Variants in EYA4 observed in about 807,000 individuals in gnomAD.
EYA4 encodes EYA transcriptional coactivator and phosphatase 4, also known as protein phosphatase EYA4.
In EYA4, 31 loss-of-function variants were observed where a neutral mutation model predicts 87.9. The ratio of observed to expected loss-of-function variants is 0.35; its 90% CI spans 0.27 to 0.48. EYA4 has a LOEUF of 0.48. Among genes scored for constraint, EYA4 ranks in the 20% least tolerant of loss-of-function variants. The pLI is 0.99. For missense variants in EYA4, 678 were observed against 761.4 expected, an observed-to-expected ratio of 0.89 and a Z score of 1.29; for synonymous variants, 263 against 270.6, an observed-to-expected ratio of 0.97 and a Z score of 0.28.
chr6:133,301,703 A>G lies in EYA4; in HGVS notation c.33+26890A>G, dbSNP rs989466555. Among the ~76,000 whole-genome samples the G allele has an allele frequency of 4.6e-5, 7 of 152,248 alleles. No individual in the cohort carries two copies. In the East Asian group the frequency reaches 1.2e-3, roughly 25 times the overall value. On this transcript the variant is annotated intron_variant, in intron 2 of 19. Coordinates refer to ENST00000355286, the MANE Select transcript of EYA4 (RefSeq NM_004100.5). ...ATGTACAATATGAGAGCTAGTAAGT[A>G]TCGGAACTGGGATTTGGACCTACCT...
chr6:133,525,393 A>ATACT, intron 19 of EYA4, 139 bp downstream of exon 19: 1 of 756,846 alleles, frequency 1.3e-6, no homozygotes, highest in Non-Finnish European at 2.3e-6. Flanking sequence ...GAGAGGGTCA[A>ATACT]TACTTACATT....
At chr6:133,526,795 T>G (rs1172456879) in intron 19 of EYA4, among the ~76,000 whole-genome samples, 1 of 152,320 alleles carries the variant, frequency 6.6e-6, no homozygotes, top group Admixed American at 6.5e-5. Flanking sequence ...TTGTGATTTT[T>G]CTTATTGGCA....
In EYA4 at chr6:133,528,769, G is replaced by A. The variant is rs769587552; in HGVS notation, c.1884G>A (p.Leu628=). 6.2e-7 allele frequency: 1 copy of A among 1,613,628 alleles called. No homozygotes were observed. The highest frequency in any genetic ancestry group is 1.1e-5 in the South Asian group (1 of 91,066). The part of the protein sequence containing the change: ...FWRISSHSDL[L]ALHQALELEY... ...GGATATCCAGTCACTCAGACCTCCT[G>A]GCTCTCCACCAAGCACTGGAATTAG... is the stretch of plus-strand genomic sequence containing the variant. Residue 628 remains leucine, a synonymous_variant, in exon 20 of 20, where the codon CTG becomes CTA. Transcript: ENST00000355286.
intron 2 of EYA4, among the ~76,000 whole-genome samples, chr6:133,318,711 G>A (rs72993929): frequency 0.44 from 66,282 of 151,220 alleles, 15,214 homozygotes; most frequent in Non-Finnish European, 0.53. Context: ...GCATACCTGA[G>A]TGGGTTCTGT....
intron 2 of EYA4, among the ~76,000 whole-genome samples, chr6:133,323,541 T>C (rs1428087099): frequency 6.6e-6 from 1 of 152,120 alleles, no homozygotes; most frequent in Admixed American, 6.6e-5. Context: ...TGCTGTTTCA[T>C]TTTCTACTAA....
intron 3 of EYA4, among the ~76,000 whole-genome samples, chr6:133,403,192 A>G (rs1381720261): frequency 6.6e-6 from 1 of 152,244 alleles, no homozygotes; most frequent in Non-Finnish European, 1.5e-5. Flanking sequence ...ATGTGATTAC[A>G]CTAAATTAGA....
chr6:133,451,397 T>G (rs1236651951), intron 5 of EYA4, among the ~76,000 whole-genome samples: 1 of 152,206 alleles, frequency 6.6e-6, no homozygotes, highest in African/African-American at 2.4e-5. Flanking sequence ...TGCATGCCAA[T>G]TATATGAAAA....
chr6:133,448,436 T>C (rs1172887091), intron 5 of EYA4, among the ~76,000 whole-genome samples: 1 of 152,230 alleles, frequency 6.6e-6, no homozygotes, highest in African/African-American at 2.4e-5. Context: ...AAATGATGCA[T>C]ATATTGGTTT....
At chr6:133,410,259 T>C (rs1237516719) in intron 3 of EYA4, among the ~76,000 whole-genome samples, 1 of 152,090 alleles carries the variant, frequency 6.6e-6, no homozygotes, top group Non-Finnish European at 1.5e-5. Flanking sequence ...AACTTCCTAT[T>C]GAATACAACA....
chr6:133,466,173 G>A (rs1431733408), intron 10 of EYA4, among the ~76,000 whole-genome samples: 5 of 152,014 alleles, frequency 3.3e-5, no homozygotes, highest in Admixed American at 3.3e-4. Flanking sequence ...GGGATATAGT[G>A]AATATAATAA....
intron 3 of EYA4, among the ~76,000 whole-genome samples, chr6:133,401,561 C>T (rs183501124): frequency 4.6e-5 from 7 of 152,230 alleles, no homozygotes; most frequent in African/African-American, 1.7e-4. Flanking sequence ...CATATAACAA[C>T]TATAGCCCTT....
intron 2 of EYA4, among the ~76,000 whole-genome samples, chr6:133,298,192 C>A (rs1049725483): frequency 5.9e-5 from 9 of 152,234 alleles, no homozygotes; most frequent in African/African-American, 1.7e-4. Flanking sequence ...GCCCCTGAAG[C>A]CAACTCCTGT....
At chr6:133,394,857 G>A (rs933729956) in intron 3 of EYA4, among the ~76,000 whole-genome samples, 7 of 152,138 alleles carry the variant, frequency 4.6e-5, no homozygotes, top group African/African-American at 1.4e-4. Context: ...AGATATTTTG[G>A]CATGAACACT....
intron 2 of EYA4, among the ~76,000 whole-genome samples, chr6:133,374,420 A>T (rs1477536885): frequency 1.3e-5 from 2 of 152,062 alleles, no homozygotes; most frequent in African/African-American, 4.8e-5. Flanking sequence ...TGACAGCCCA[A>T]TACTAAAGGA....
chr6:133,383,517 C>CAAAAAAAAAAAAAAAAA (rs768724484), intron 3 of EYA4, among the ~76,000 whole-genome samples: 4 of 45,240 alleles, frequency 8.8e-5, no homozygotes, highest in Non-Finnish European at 1.1e-4. Context: ...GACTCCATCT[C>CAAAAAAAAAAAAAAAAA]AAAAAAAAAA....
rs140876116 is a variant in EYA4, at chr6:133,401,028, G to A, written c.83+18587G>A. Among the ~76,000 whole-genome samples, 270 of 152,048 alleles carry A rather than the reference G, an allele frequency of 1.8e-3. 1 individual carries two copies. Among genetic ancestry groups the A allele is most frequent in the African/African-American group, 6.1e-3 (252 of 41,490 alleles). On this transcript the variant is annotated intron_variant, in intron 3 of 19. Coordinates refer to ENST00000355286, the MANE Select transcript of EYA4 (RefSeq NM_004100.5). ...GTGAATGAATCGGTAAAGAAAATGT[G>A]GTATATGTATACAATGGAATATTAT...
intron 2 of EYA4, among the ~76,000 whole-genome samples, chr6:133,358,748 TAC>T (rs1784251149): frequency 6.6e-6 from 1 of 152,186 alleles, no homozygotes; most frequent in African/African-American, 2.4e-5. Flanking sequence ...AAAATGGACA[TAC>T]AGAGTGTATG....
chr6:133,408,616 T>C (rs544170311), intron 3 of EYA4, among the ~76,000 whole-genome samples: 1 of 152,184 alleles, frequency 6.6e-6, no homozygotes, highest in Non-Finnish European at 1.5e-5. Flanking sequence ...AGTTATTTAA[T>C]CTCTTTGTGC....
intron 2 of EYA4, among the ~76,000 whole-genome samples, chr6:133,335,047 A>T (rs915988681): frequency 4.6e-5 from 7 of 152,234 alleles, no homozygotes; most frequent in African/African-American, 1.4e-4. Flanking sequence ...AGGTGAGAGA[A>T]TTCTTATTCC....
Sources: gnomAD v4.1 joint callset for allele counts (sites outside exome capture counted in the v4.1 genomes callset) on GRCh38, gnomAD v4.1.1 for gene constraint, MANE v1.5 for transcripts, NCBI Gene and HGNC (gene_info 2026-07-23, HGNC 2026-07-21) for gene names.